SLX4IP: variants seen among roughly 807,000 people sequenced by gnomAD.
SLX4IP encodes the protein protein SLX4IP.
A neutral mutation model predicts 32.9 loss-of-function variants in SLX4IP; 34 were observed. That is an observed-to-expected ratio of 1.03 (90% confidence interval 0.79 to 1.38). The LOEUF (loss-of-function observed/expected upper bound fraction) is 1.38. Among genes scored for constraint, SLX4IP ranks in the 40% most tolerant of loss-of-function variants. SLX4IP has a pLI of 0.00. For missense variants in SLX4IP, 444 were observed against 479.0 expected (o/e 0.93, Z 0.68); for synonymous variants, 172 against 171.7 (o/e 1.00, Z -0.01).
chr20:10,490,749 G>T (rs1006590973), intron 2 of SLX4IP, among the ~76,000 whole-genome samples: 1 of 152,084 alleles, frequency 6.6e-6, no homozygotes, highest in Non-Finnish European at 1.5e-5. Flanking sequence ...GACTTACAGT[G>T]TTTTTTTCAC....
intron 2 of SLX4IP, among the ~76,000 whole-genome samples, chr20:10,535,304 G>A (rs868258485): frequency 6.6e-6 from 1 of 152,114 alleles, no homozygotes; most frequent in African/African-American, 2.4e-5. Context: ...GAGGGAGCAG[G>A]TTTGGAAAGA....
intron 4 of SLX4IP, among the ~76,000 whole-genome samples, chr20:10,582,417 G>C (rs2066596773): frequency 1.3e-5 from 2 of 152,200 alleles, no homozygotes; most frequent in South Asian, 4.2e-4. Flanking sequence ...TAGCAGGAAG[G>C]TTTCCTTTAT....
chr20:10,510,657 T>TGCAGTGG (rs2065798970), intron 2 of SLX4IP, among the ~76,000 whole-genome samples: 2 of 151,672 alleles, frequency 1.3e-5, no homozygotes, highest in Admixed American at 6.6e-5. Context: ...CAGACTGGAC[T>TGCAGTGG]GCAGTGGCGC....
intron 5 of SLX4IP, among the ~76,000 whole-genome samples, chr20:10,600,109 G>T (rs2066824080): frequency 1.3e-5 from 2 of 152,010 alleles, no homozygotes; most frequent in South Asian, 4.2e-4. Context: ...CCCATAAAAT[G>T]ATAAAAAGGC....
chr20:10,517,039 A>G (rs567416044), intron 2 of SLX4IP, among the ~76,000 whole-genome samples: 239 of 152,360 alleles, frequency 1.6e-3, no homozygotes, highest in African/African-American at 5.6e-3. Context: ...TTGAATGAGC[A>G]TGGGAGGAAC....
At chr20:10,563,464 C>T (rs1056001002) in intron 4 of SLX4IP, among the ~76,000 whole-genome samples, 1 of 152,182 alleles carries the variant, frequency 6.6e-6, no homozygotes, top group Non-Finnish European at 1.5e-5. Context: ...AAGTCTGATT[C>T]ATAAAATCCT....
chr20:10,474,204 C>A (rs1218049739), intron 2 of SLX4IP, among the ~76,000 whole-genome samples: 6 of 152,170 alleles, frequency 3.9e-5, no homozygotes, highest in Non-Finnish European at 7.3e-5. Context: ...GCATGAGCCA[C>A]CATTCCTGGC....
At chr20:10,520,329 C>T (rs1050668126) in intron 2 of SLX4IP, among the ~76,000 whole-genome samples, 3 of 151,844 alleles carry the variant, frequency 2.0e-5, no homozygotes, top group Non-Finnish European at 2.9e-5. Context: ...GGATTTCAGG[C>T]GTGAGCCACT....
At chr20:10,447,928 C>T (rs2065214421) in intron 1 of SLX4IP, among the ~76,000 whole-genome samples, 1 of 147,702 alleles carries the variant, frequency 6.8e-6, no homozygotes, top group African/African-American at 2.5e-5. Flanking sequence ...TGGTCTCGAA[C>T]TCCTGGGCTC....
chr20:10,603,917 C>T (rs1393903438), intron 6 of SLX4IP, among the ~76,000 whole-genome samples: 1 of 152,218 alleles, frequency 6.6e-6, no homozygotes, highest in East Asian at 1.9e-4. Context: ...GTTTAATTCT[C>T]ATTGATATTT....
chr20:10,474,560 T>C (rs1281455604), intron 2 of SLX4IP, among the ~76,000 whole-genome samples: 1 of 152,118 alleles, frequency 6.6e-6, no homozygotes, highest in East Asian at 1.9e-4. Context: ...GTTTTTTCCT[T>C]TTTCTTTTTT....
chr20:10,564,598 T>C (rs1181125780), intron 4 of SLX4IP, among the ~76,000 whole-genome samples: 1 of 152,212 alleles, frequency 6.6e-6, no homozygotes, highest in African/African-American at 2.4e-5. Context: ...AATATTAATA[T>C]TTTTTATGCT....
rs1226357987 is a variant in SLX4IP, at chr20:10,627,728, T to G, written c.*4349T>G. 1.3e-5 allele frequency: 2 copies of G among 152,252 alleles called. No individual in the cohort carries two copies. The highest frequency in any genetic ancestry group is 1.5e-5 in the Non-Finnish European group (1 of 68,040). 9.4% of individuals were successfully genotyped at this position (152,252 alleles called of 1,614,324 possible). A position where few individuals can be genotyped will look rare whatever the true frequency, so the allele number is the denominator to read the frequency against. ...ACCTTATAATTGCCATTACAGTTCC[T>G]TATCAAAAATGTTAATTCTTTGCTT... is the stretch of plus-strand genomic sequence containing the variant. On this transcript the variant is annotated 3_prime_UTR_variant, in exon 8 of 8. Coordinates refer to ENST00000334534, the MANE Select transcript of SLX4IP (RefSeq NM_001009608.3).
intron 1 of SLX4IP, among the ~76,000 whole-genome samples, chr20:10,437,893 A>G (rs928540379): frequency 5.3e-5 from 8 of 152,182 alleles, no homozygotes; most frequent in Non-Finnish European, 8.8e-5. Flanking sequence ...TAGCTCCTCT[A>G]CTAATCAGCT....
chr20:10,458,554 C>A (rs6039949), intron 2 of SLX4IP, among the ~76,000 whole-genome samples: 14,761 of 151,992 alleles, frequency 0.097, 794 homozygotes, highest in East Asian at 0.15. Flanking sequence ...TGTGCTGTTT[C>A]CCCCCATGTG....
chr20:10,627,331 C>G lies in SLX4IP; in HGVS notation c.*3952C>G, dbSNP rs975480796. ...ATTAATGAACTGAAACACGTTGAAG[C>G]AAGTAAAAAATCAAAATTAGGTTGG... On this transcript the variant is annotated 3_prime_UTR_variant, in exon 8 of 8. Coordinates refer to ENST00000334534, the MANE Select transcript of SLX4IP (RefSeq NM_001009608.3). The G allele has an allele frequency of 3.3e-5, 5 of 152,070 alleles. No individual in the cohort carries two copies. Among genetic ancestry groups the G allele is most frequent in the Non-Finnish European group, 7.4e-5 (5 of 68,010 alleles). The allele number at this position is 152,070 out of a possible 1,614,324, so 9.4% of individuals were successfully genotyped here.
chr20:10,511,725 G>A (rs1302683944), intron 2 of SLX4IP, among the ~76,000 whole-genome samples: 1 of 152,240 alleles, frequency 6.6e-6, no homozygotes, highest in Non-Finnish European at 1.5e-5. Context: ...CAGACTGAGA[G>A]CAGAGTGCTG....
At chr20:10,443,978 G>A (rs1295826226) in intron 1 of SLX4IP, among the ~76,000 whole-genome samples, 1 of 152,158 alleles carries the variant, frequency 6.6e-6, no homozygotes, top group Non-Finnish European at 1.5e-5. Context: ...GGAGAACTGC[G>A]AGCCAGTTAA....
chr20:10,514,134 G>A (rs939194092), intron 2 of SLX4IP, among the ~76,000 whole-genome samples: 12 of 152,178 alleles, frequency 7.9e-5, no homozygotes, highest in Non-Finnish European at 1.2e-4. Context: ...AAAGAAAAGT[G>A]CAAAGAAGGG....
Sources: allele counts gnomAD v4.1 joint callset (sites outside exome capture counted in the v4.1 genomes callset), GRCh38; gene constraint gnomAD v4.1.1; transcripts MANE v1.5; gene names NCBI Gene and HGNC (gene_info 2026-07-23, HGNC 2026-07-21).